The following TNKS variants were observed in gnomAD, a reference collection of about 807,000 sequenced individuals.
The protein encoded by TNKS is poly [ADP-ribose] polymerase tankyrase-1.
TNKS carries 72 observed loss-of-function variants against 135.8 expected under a neutral mutation model. The ratio of observed to expected loss-of-function variants is 0.53; its 90% CI spans 0.44 to 0.64. The LOEUF (loss-of-function observed/expected upper bound fraction) is 0.64, where lower values mean the gene tolerates loss of function less well. Among genes scored for constraint, TNKS ranks in the 30% least tolerant of loss-of-function variants. The pLI, the probability that TNKS is intolerant of heterozygous loss-of-function variation, is 0.00. For missense variants in TNKS, 1,769 were observed against 1,674.0 expected, an observed-to-expected ratio of 1.06 and a Z score of -0.99; for synonymous variants, 849 against 649.3, an observed-to-expected ratio of 1.31 and a Z score of -4.68.
intron 3 of TNKS, among the ~76,000 whole-genome samples, chr8:9,659,388 T>G (rs1474116927): frequency 6.6e-6 from 1 of 152,170 alleles, no homozygotes; most frequent in African/African-American, 2.4e-5. Context: ...AAACTGTCTC[T>G]CAGACCACAG....
intron 21 of TNKS, among the ~76,000 whole-genome samples, chr8:9,762,785 A>AT (rs1807212884): frequency 6.6e-6 from 1 of 151,684 alleles, no homozygotes; most frequent in Non-Finnish European, 1.5e-5. Context: ...GGCGCCTGTA[A>AT]TCCCAGCTAC....
At position 9,596,165 on chromosome 8, in the gene TNKS, T is replaced by C. The variant is rs555534572; in HGVS notation, c.898+15782T>C. Among the ~76,000 whole-genome samples, 17 of 152,302 alleles carry C rather than the reference T, an allele frequency of 1.1e-4. No individual in the cohort carries two copies. In the South Asian group the frequency reaches 3.5e-3, roughly 32 times the overall value. On this transcript the variant is annotated intron_variant, in intron 2 of 26. Transcript: ENST00000310430. The stretch of plus-strand genomic sequence containing the variant: ...CATACACACATACATACTGTAGTTT[T>C]CAGTGAGATACATGGCTTAAGTTTG...
chr8:9,710,403 A>T (rs1331342481), intron 11 of TNKS, 183 bp downstream of exon 11: 2 of 624,142 alleles, frequency 3.2e-6, no homozygotes, highest in Non-Finnish European at 5.7e-6. Flanking sequence ...AAAAATAATT[A>T]CCCGTGTTTC....
intron 11 of TNKS, among the ~76,000 whole-genome samples, chr8:9,710,733 A>G (rs10113714): frequency 0.017 from 2,648 of 152,216 alleles, 39 homozygotes; most frequent in African/African-American, 0.046. Context: ...CGTCTCTACT[A>G]AAAATACAAA....
Position 9,778,355 on chromosome 8 carries a change from G to A in TNKS, c.*1619G>A, listed in dbSNP as rs1054928432. 9 of 152,388 alleles carry A rather than the reference G, an allele frequency of 5.9e-5. No individual in the cohort carries two copies. Among genetic ancestry groups the A allele is most frequent in the African/African-American group, 2.2e-4 (9 of 41,442 alleles). The allele number at this position is 152,388 out of a possible 1,614,324, so 9.4% of individuals were successfully genotyped here. On this transcript the variant is annotated 3_prime_UTR_variant, in exon 27 of 27. Transcript: ENST00000310430. The stretch of plus-strand genomic sequence containing the variant: ...CCTGAAAACGATGGGTTTAATGCAA[G>A]GTGATTAAGCTGTGACCTCCTTTAA...
chr8:9,668,955 GATT>G (rs141294183), intron 3 of TNKS, among the ~76,000 whole-genome samples: 3,345 of 151,924 alleles, frequency 0.022, 74 homozygotes, highest in African/African-American at 0.062. Context: ...ATACTATTTT[GATT>G]ATTATTATTA....
At chr8:9,559,600 C>G (rs2129048985) in intron 1 of TNKS, among the ~76,000 whole-genome samples, 1 of 151,488 alleles carries the variant, frequency 6.6e-6, no homozygotes, top group South Asian at 2.1e-4. Context: ...CCTCCCCCAT[C>G]CCTACCCTCC....
chr8:9,645,642 G>T (rs1434010128), intron 3 of TNKS, among the ~76,000 whole-genome samples: 2 of 152,212 alleles, frequency 1.3e-5, no homozygotes, highest in South Asian at 2.1e-4. Flanking sequence ...GGGGAAACAG[G>T]CATCATGGTC....
At chr8:9,771,043 C>T (rs1807802203) in intron 26 of TNKS, among the ~76,000 whole-genome samples, 1 of 151,992 alleles carries the variant, frequency 6.6e-6, no homozygotes, top group Admixed American at 6.6e-5. Flanking sequence ...CTCATGGTTT[C>T]TAACGTGTGT....
intron 1 of TNKS, among the ~76,000 whole-genome samples, chr8:9,571,760 G>C (rs982724168): frequency 6.6e-6 from 1 of 152,102 alleles, no homozygotes; most frequent in East Asian, 1.9e-4. Context: ...CACCGCGCCC[G>C]GGGATTCCAT....
intron 13 of TNKS, among the ~76,000 whole-genome samples, chr8:9,728,795 T>C (rs1805279617): frequency 6.6e-6 from 1 of 152,162 alleles, no homozygotes; most frequent in African/African-American, 2.4e-5. Flanking sequence ...GGCTGGTGCA[T>C]TTCCGTATAG....
At chr8:9,650,752 C>G (rs144238943) in intron 3 of TNKS, among the ~76,000 whole-genome samples, 456 of 152,158 alleles carry the variant, frequency 3.0e-3, no homozygotes, top group Admixed American at 4.7e-3. Flanking sequence ...AAGATCTTCT[C>G]CTGCTCTGTG....
intron 3 of TNKS, among the ~76,000 whole-genome samples, chr8:9,664,451 C>T (rs1011219573): frequency 5.9e-5 from 9 of 152,184 alleles, no homozygotes; most frequent in African/African-American, 2.2e-4. Context: ...CTTACTAGGT[C>T]CCACCTCCAA....
At chr8:9,724,269 G>A (rs1805049907) in intron 12 of TNKS, among the ~76,000 whole-genome samples, 1 of 152,000 alleles carries the variant, frequency 6.6e-6, no homozygotes, top group South Asian at 2.1e-4. Context: ...GGGCAACATG[G>A]CGAAACCCCG....
intron 3 of TNKS, among the ~76,000 whole-genome samples, chr8:9,651,238 G>GT (rs202182869): frequency 6.6e-6 from 1 of 151,850 alleles, no homozygotes; most frequent in African/African-American, 2.4e-5. Flanking sequence ...ACTTCTGTTG[G>GT]TTTTTTTAAT....
intron 1 of TNKS, among the ~76,000 whole-genome samples, chr8:9,564,805 G>A (rs1430545425): frequency 6.6e-6 from 1 of 152,168 alleles, no homozygotes; most frequent in East Asian, 1.9e-4. Flanking sequence ...AGATAAGATG[G>A]GTTGGAGTCT....
intron 3 of TNKS, chr8:9,670,688 G>A (rs1004797937): frequency 6.6e-6 from 1 of 152,102 alleles, no homozygotes; most frequent in Non-Finnish European, 1.5e-5. Context: ...CTTTTGTTAG[G>A]TGAGAACTCA....
chr8:9,772,793 ATGTG>A (rs139275418), intron 26 of TNKS, among the ~76,000 whole-genome samples: 12 of 123,876 alleles, frequency 9.7e-5, no homozygotes, highest in Non-Finnish European at 1.3e-4. Flanking sequence ...TTTGGGGAGA[ATGTG>A]TGTGTGTGTG....
At position 9,776,653 on chromosome 8, in the gene TNKS, T is replaced by C. The variant is rs1650665464; in HGVS notation, c.3901T>C (p.Tyr1301His). ...TTTTTCTTCTTGTCCTTCCCAGGCA[T>C]ACCCAGAGTATCTTATCACTTACCA... ...EYVIYRGEQA[Y>H]PEYLITYQIM... The change falls in exon 27 of 27, where the codon TAC becomes CAC. Residue 1301 changes from tyrosine (Y) to histidine (H), a missense_variant. Coordinates refer to ENST00000310430, the MANE Select transcript of TNKS (RefSeq NM_003747.3). The C allele has an allele frequency of 4.3e-6, 7 of 1,613,902 alleles. No homozygotes were observed. Among genetic ancestry groups the C allele is most frequent in the Non-Finnish European group, 5.1e-6 (6 of 1,179,834 alleles).
Sources: allele counts gnomAD v4.1 joint callset (sites outside exome capture counted in the v4.1 genomes callset), GRCh38; gene constraint gnomAD v4.1.1; transcripts MANE v1.5; gene names NCBI Gene and HGNC (gene_info 2026-07-23, HGNC 2026-07-21).